PDE4D: variants seen among roughly 807,000 people sequenced by gnomAD.
PDE4D encodes phosphodiesterase 4D.
In PDE4D, 24 loss-of-function variants were observed where a neutral mutation model predicts 87.4. The ratio of observed to expected loss-of-function variants is 0.27; its 90% CI spans 0.20 to 0.39. The LOEUF (loss-of-function observed/expected upper bound fraction) is 0.39. Among genes scored for constraint, PDE4D ranks in the 10% least tolerant of loss-of-function variants. The pLI, the probability that PDE4D is intolerant of heterozygous loss-of-function variation, is 1.00. For synonymous variants in PDE4D, 384 were observed against 383.2 expected, an observed-to-expected ratio of 1.00 and a Z score of -0.02; for missense variants, 714 against 1,041.0, an observed-to-expected ratio of 0.69 and a Z score of 4.32.
chr5:59,767,616 T>C (rs1054352330), intron 1 of PDE4D, among the ~76,000 whole-genome samples: 2 of 152,164 alleles, frequency 1.3e-5, no homozygotes, highest in East Asian at 3.8e-4. Flanking sequence ...CAAAATGTTC[T>C]AACAATCCAA....
At chr5:59,869,867 G>A (rs1747566671) in intron 1 of PDE4D, among the ~76,000 whole-genome samples, 1 of 152,250 alleles carries the variant, frequency 6.6e-6, no homozygotes, top group African/African-American at 2.4e-5. Flanking sequence ...CCAATCCTCT[G>A]GTTCTAAAAG....
At chr5:59,156,331 ATGTGTGTGTGTGTGTGTGTG>A (rs60467130) in intron 5 of PDE4D, among the ~76,000 whole-genome samples, 2 of 122,768 alleles carry the variant, frequency 1.6e-5, no homozygotes, top group African/African-American at 3.4e-5. Flanking sequence ...ATATATATAT[ATGTGTGTGTGTGTGTGTGTG>A]TGTGTGTGTG....
rs1336555843 is a variant in PDE4D at position 59,397,171 on chromosome 5, C to T, written c.456-181203G>A. Among the ~76,000 whole-genome samples the T allele has an allele frequency of 4.3e-5, 5 of 117,404 alleles. 1 individual carries two copies. Among genetic ancestry groups the T allele is most frequent in the Non-Finnish European group, 7.2e-5 (4 of 55,488 alleles). The allele number at this position is 117,404 out of a possible 152,430, so 77.0% of individuals were successfully genotyped here. A position where few individuals can be genotyped will look rare whatever the true frequency, so the allele number is the denominator to read the frequency against. ...CCACTGTCAACATTAGACAGATCAA[C>T]GAGACAGAAAGTCAACAAGGATACC... is the stretch of plus-strand genomic sequence containing the variant. On this transcript the variant is annotated intron_variant, in intron 1 of 14. Transcript: ENST00000340635.
chr5:60,370,742 A>G (rs1332850549), intron 1 of PDE4D, among the ~76,000 whole-genome samples: 1 of 151,888 alleles, frequency 6.6e-6, no homozygotes, highest in East Asian at 1.9e-4. Flanking sequence ...AAGGATCCCA[A>G]ATCTAGTTTT....
intron 1 of PDE4D, among the ~76,000 whole-genome samples, chr5:59,721,552 T>C (rs1054851363): frequency 6.6e-6 from 1 of 152,150 alleles, no homozygotes; most frequent in Non-Finnish European, 1.5e-5. Flanking sequence ...ATTTTACATA[T>C]AGGAAAATTG....
At chr5:60,148,979 T>C (rs1242436347) in intron 2 of PDE4D, among the ~76,000 whole-genome samples, 3 of 152,212 alleles carry the variant, frequency 2.0e-5, no homozygotes, top group Non-Finnish European at 4.4e-5. Context: ...AATTCTGCTA[T>C]GGAGAACTCC....
chr5:59,615,547 TG>T (rs1296884519), intron 1 of PDE4D, among the ~76,000 whole-genome samples: 2 of 152,178 alleles, frequency 1.3e-5, no homozygotes, highest in African/African-American at 4.8e-5. Context: ...ATTTTCAAGA[TG>T]GACACAGACA....
chr5:59,390,698 T>C (rs1788059204), intron 1 of PDE4D, among the ~76,000 whole-genome samples: 1 of 152,104 alleles, frequency 6.6e-6, no homozygotes. Flanking sequence ...TGTTGTGACT[T>C]ATGAAGAACT....
At chr5:59,885,150 G>A (rs1037355527) in intron 1 of PDE4D, among the ~76,000 whole-genome samples, 1 of 151,670 alleles carries the variant, frequency 6.6e-6, no homozygotes, top group African/African-American at 2.4e-5. Flanking sequence ...ATATGCATGG[G>A]CCTTATTCTT....
At chr5:60,028,507 T>G (rs1289843119) in intron 2 of PDE4D, among the ~76,000 whole-genome samples, 1 of 152,164 alleles carries the variant, frequency 6.6e-6, no homozygotes, top group Non-Finnish European at 1.5e-5. Flanking sequence ...TTTCCTTCCC[T>G]CCAACATATC....
intron 1 of PDE4D, among the ~76,000 whole-genome samples, chr5:59,880,573 C>T (rs1749295529): frequency 6.6e-6 from 1 of 152,180 alleles, no homozygotes; most frequent in African/African-American, 2.4e-5. Context: ...AGTGGCCCAT[C>T]TTGTTATCTC....
At chr5:59,719,862 C>T (rs1755576914) in intron 1 of PDE4D, among the ~76,000 whole-genome samples, 1 of 152,164 alleles carries the variant, frequency 6.6e-6, no homozygotes, top group African/African-American at 2.4e-5. Flanking sequence ...TATTCATTCT[C>T]CTATTCCAAA....
intron 3 of PDE4D, among the ~76,000 whole-genome samples, chr5:59,966,513 A>T (rs935380793): frequency 1.3e-5 from 2 of 152,226 alleles, no homozygotes; most frequent in African/African-American, 2.4e-5. Flanking sequence ...TTTAAATGCA[A>T]ATAAGAAGCC....
At chr5:59,103,115 C>A (rs1283230173) in intron 5 of PDE4D, among the ~76,000 whole-genome samples, 2 of 152,178 alleles carry the variant, frequency 1.3e-5, no homozygotes, top group Admixed American at 6.5e-5. Context: ...ATATATTTCT[C>A]ACTGTGAATT....
chr5:60,083,405 A>C (rs1481843300), intron 2 of PDE4D, among the ~76,000 whole-genome samples: 1 of 152,246 alleles, frequency 6.6e-6, no homozygotes, highest in Admixed American at 6.5e-5. Context: ...GCTGTAGCAA[A>C]AACACTCAAC....
chr5:60,463,516 C>T (rs538196924), intron 1 of PDE4D, among the ~76,000 whole-genome samples: 1 of 152,240 alleles, frequency 6.6e-6, no homozygotes, highest in East Asian at 1.9e-4. Flanking sequence ...CAAGCAGCTC[C>T]CCACAGAGAC....
intron 1 of PDE4D, among the ~76,000 whole-genome samples, chr5:59,382,111 C>T (rs1245926532): frequency 1.3e-5 from 2 of 152,076 alleles, no homozygotes; most frequent in Non-Finnish European, 2.9e-5. Context: ...CCCCATTTCC[C>T]TGACACAGAC....
intron 2 of PDE4D, among the ~76,000 whole-genome samples, chr5:60,039,898 G>A (rs1048096779): frequency 6.6e-6 from 1 of 152,150 alleles, no homozygotes; most frequent in Non-Finnish European, 1.5e-5. Flanking sequence ...CACAATGGCT[G>A]CCCAGGCTTC....
At chr5:60,323,754 C>T (rs188233680) in intron 1 of PDE4D, among the ~76,000 whole-genome samples, 1 of 151,858 alleles carries the variant, frequency 6.6e-6, no homozygotes. Flanking sequence ...AGCATGATTA[C>T]CACCCTCCAC....
Sources: allele counts gnomAD v4.1 joint callset (sites outside exome capture counted in the v4.1 genomes callset), GRCh38; gene constraint gnomAD v4.1.1; transcripts MANE v1.5; gene names NCBI Gene and HGNC (gene_info 2026-07-23, HGNC 2026-07-21).